Variants in PITPNC1 observed in about 807,000 individuals in gnomAD.
PITPNC1 encodes the protein cytoplasmic phosphatidylinositol transfer protein 1.
In PITPNC1, 18 loss-of-function variants were observed where a neutral mutation model predicts 44.7. That is an observed-to-expected ratio of 0.40 (90% CI 0.28 to 0.60). The LOEUF (loss-of-function observed/expected upper bound fraction) is 0.60, where lower values mean the gene tolerates loss of function less well. Ranked by LOEUF, PITPNC1 falls within the 20% of genes least tolerant of loss-of-function variation. PITPNC1 has a pLI of 0.39. For missense variants in PITPNC1, 290 were observed against 418.4 expected, an observed-to-expected ratio of 0.69 and a Z score of 2.68; for synonymous variants, 141 against 149.6, an observed-to-expected ratio of 0.94 and a Z score of 0.42.
At chr17:67,532,657 A>G in intron 1 of PITPNC1, 145 bp from the exon 2 acceptor site, 1 of 556,542 alleles carries the variant, frequency 1.8e-6, no homozygotes, top group Non-Finnish European at 3.2e-6. Context: ...GCTCCCGAGG[A>G]AAAGTAACAT....
chr17:67,608,234 TAA>T (rs150137801), intron 5 of PITPNC1, among the ~76,000 whole-genome samples: 19 of 122,326 alleles, frequency 1.6e-4, no homozygotes, highest in African/African-American at 3.7e-4. Context: ...AAATGTCAAT[TAA>T]AAAAAAAAAA....
chr17:67,416,228 T>TA (rs897086365), intron 1 of PITPNC1, among the ~76,000 whole-genome samples: 33 of 139,386 alleles, frequency 2.4e-4, no homozygotes, highest in South Asian at 6.8e-4. Flanking sequence ...TTTTTTTTTT[T>TA]AGACAGAGTC....
intron 1 of PITPNC1, among the ~76,000 whole-genome samples, chr17:67,419,554 G>A (rs1240093280): frequency 2.6e-5 from 4 of 152,054 alleles, no homozygotes; most frequent in Admixed American, 2.0e-4. Context: ...GGAAAATTCC[G>A]AGAAAGGGAA....
intron 1 of PITPNC1, among the ~76,000 whole-genome samples, chr17:67,450,363 G>A (rs979859592): frequency 2.4e-5 from 3 of 126,606 alleles, no homozygotes; most frequent in African/African-American, 5.5e-5. Flanking sequence ...GAAGGTGCAC[G>A]GGAGACTTCG....
At chr17:67,381,416 G>C (rs1402623117) in intron 1 of PITPNC1, among the ~76,000 whole-genome samples, 1 of 149,624 alleles carries the variant, frequency 6.7e-6, no homozygotes, top group African/African-American at 2.5e-5. Flanking sequence ...ACTCTTGGTT[G>C]GCTCTGGGCC....
chr17:67,671,542 G>A (rs1001605688), intron 7 of PITPNC1, among the ~76,000 whole-genome samples: 9 of 152,138 alleles, frequency 5.9e-5, no homozygotes, highest in African/African-American at 2.2e-4. Context: ...TGGAATTTAG[G>A]TCCAAGAACT....
At chr17:67,380,266 G>C (rs1312515286) in intron 1 of PITPNC1, among the ~76,000 whole-genome samples, 1 of 151,912 alleles carries the variant, frequency 6.6e-6, no homozygotes, top group Admixed American at 6.6e-5. Flanking sequence ...GTAGAGACGG[G>C]GTTTCACCAT....
chr17:67,649,036 C>T (rs2042181379), intron 6 of PITPNC1, among the ~76,000 whole-genome samples: 1 of 152,160 alleles, frequency 6.6e-6, no homozygotes, highest in South Asian at 2.1e-4. Context: ...TGCCTGTGGT[C>T]TTAGCTACTC....
At chr17:67,454,176 G>A (rs1027213101) in intron 1 of PITPNC1, among the ~76,000 whole-genome samples, 1 of 151,856 alleles carries the variant, frequency 6.6e-6, no homozygotes, top group African/African-American at 2.4e-5. Context: ...GCTTGAACAC[G>A]GGAGGCAGAG....
chr17:67,674,659 G>A (rs1406870553), intron 7 of PITPNC1, among the ~76,000 whole-genome samples: 1 of 149,266 alleles, frequency 6.7e-6, no homozygotes, highest in Non-Finnish European at 1.5e-5. Flanking sequence ...GTTAAGTGCT[G>A]TTCACTTTTT....
intron 2 of PITPNC1, among the ~76,000 whole-genome samples, chr17:67,551,010 G>A (rs774721789): frequency 6.6e-6 from 1 of 152,138 alleles, no homozygotes; most frequent in Admixed American, 6.5e-5. Context: ...GCAGTGAGCC[G>A]AGACTGCACC....
intron 1 of PITPNC1, among the ~76,000 whole-genome samples, chr17:67,517,769 T>C (rs1329304097): frequency 6.6e-6 from 1 of 152,174 alleles, no homozygotes; most frequent in Non-Finnish European, 1.5e-5. Context: ...GAATCAGGGA[T>C]GACTATTAGT....
At chr17:67,547,861 C>G (rs1280408717) in intron 2 of PITPNC1, among the ~76,000 whole-genome samples, 1 of 152,284 alleles carries the variant, frequency 6.6e-6, no homozygotes, top group South Asian at 2.1e-4. Flanking sequence ...GTTGTGATTT[C>G]GGGAACCTTG....
At chr17:67,674,034 T>G (rs533548239) in intron 7 of PITPNC1, among the ~76,000 whole-genome samples, 11 of 152,178 alleles carry the variant, frequency 7.2e-5, no homozygotes, top group African/African-American at 2.6e-4. Context: ...TAAATAATTT[T>G]TTGTGGGTAC....
At chr17:67,569,426 G>A (rs958273364) in intron 4 of PITPNC1, among the ~76,000 whole-genome samples, 10 of 152,242 alleles carry the variant, frequency 6.6e-5, no homozygotes, top group East Asian at 1.9e-4. Context: ...CTTTCCTGGC[G>A]TTCTTCTTCC....
At chr17:67,398,586 C>T (rs547758652) in intron 1 of PITPNC1, among the ~76,000 whole-genome samples, 1 of 152,116 alleles carries the variant, frequency 6.6e-6, no homozygotes, top group South Asian at 2.1e-4. Context: ...TGCATCTCAT[C>T]GATTTGCTGA....
intron 4 of PITPNC1, among the ~76,000 whole-genome samples, chr17:67,566,817 TG>T (rs1244427451): frequency 6.6e-6 from 1 of 152,212 alleles, no homozygotes; most frequent in Non-Finnish European, 1.5e-5. Context: ...TCTGCTTCCC[TG>T]GAAGCACTTC....
At chr17:67,389,988 T>G (rs376957914) in intron 1 of PITPNC1, among the ~76,000 whole-genome samples, 2 of 152,250 alleles carry the variant, frequency 1.3e-5, no homozygotes, top group African/African-American at 4.8e-5. Flanking sequence ...CAAAGCTGTT[T>G]TTTTAGAAAT....
chr17:67,621,600 A>G (rs141779555), intron 5 of PITPNC1, among the ~76,000 whole-genome samples: 253 of 152,344 alleles, frequency 1.7e-3, no homozygotes, highest in Non-Finnish European at 2.9e-3. Context: ...CCACAAAATC[A>G]TAGCCCCTTT....
Sources: gnomAD v4.1 joint callset for allele counts (sites outside exome capture counted in the v4.1 genomes callset) on GRCh38, gnomAD v4.1.1 for gene constraint, MANE v1.5 for transcripts, NCBI Gene and HGNC (gene_info 2026-07-23, HGNC 2026-07-21) for gene names.